Variants in KDM4C observed in about 807,000 individuals in gnomAD.
KDM4C encodes the protein lysine demethylase 4C, also known as lysine-specific demethylase 4C.
In KDM4C, 81 loss-of-function variants were observed where a neutral mutation model predicts 129.3. That is an observed-to-expected ratio of 0.63 (90% CI 0.52 to 0.75). KDM4C has a LOEUF of 0.75. Among genes scored for constraint, KDM4C ranks in the 30% least tolerant of loss-of-function variants. The pLI is 0.00. For synonymous variants in KDM4C, 573 were observed against 456.1 expected (o/e 1.26, Z -3.26); for missense variants, 1,457 against 1,304.0 (o/e 1.12, Z -1.81).
chr9:6,871,842 A>T (rs1167923975), intron 5 of KDM4C, among the ~76,000 whole-genome samples: 1 of 152,178 alleles, frequency 6.6e-6, no homozygotes, highest in African/African-American at 2.4e-5. Context: ...ACCTCATAGA[A>T]CTCAAGACCT....
At chr9:7,166,518 C>T (rs1235382885) in intron 20 of KDM4C, among the ~76,000 whole-genome samples, 1 of 151,882 alleles carries the variant, frequency 6.6e-6, no homozygotes, top group Non-Finnish European at 1.5e-5. Flanking sequence ...GTGACAGTCT[C>T]AAGATACAAA....
intron 12 of KDM4C, among the ~76,000 whole-genome samples, chr9:7,004,048 A>G (rs1821218948): frequency 6.6e-6 from 1 of 152,110 alleles, no homozygotes; most frequent in African/African-American, 2.4e-5. Flanking sequence ...ACCAGCCAAA[A>G]CACCTCACTG....
At chr9:6,820,579 C>G (rs10117358) in intron 4 of KDM4C, among the ~76,000 whole-genome samples, 79,556 of 151,766 alleles carry the variant, frequency 0.52, 20,878 homozygotes, top group East Asian at 0.61. Flanking sequence ...TGGTAGTTTT[C>G]ATCCAGCTGG....
intron 17 of KDM4C, among the ~76,000 whole-genome samples, chr9:7,060,631 G>A (rs1453975056): frequency 1.3e-5 from 2 of 151,912 alleles, no homozygotes; most frequent in Admixed American, 6.6e-5. Context: ...ACAGGTGCAT[G>A]CCACCATGCC....
chr9:6,808,943 A>G (rs1830642222), intron 3 of KDM4C, among the ~76,000 whole-genome samples: 1 of 152,056 alleles, frequency 6.6e-6, no homozygotes, highest in African/African-American at 2.4e-5. Context: ...TTACAAAAAC[A>G]AAATAAAAAA....
At chr9:7,022,168 T>G (rs1477006819) in intron 15 of KDM4C, among the ~76,000 whole-genome samples, 1 of 152,028 alleles carries the variant, frequency 6.6e-6, no homozygotes, top group East Asian at 1.9e-4. Flanking sequence ...AATTTTAGGA[T>G]TTTTTTTCTA....
intron 1 of KDM4C, among the ~76,000 whole-genome samples, chr9:6,767,780 T>G (rs1176427312): frequency 6.6e-6 from 1 of 152,120 alleles, no homozygotes; most frequent in Non-Finnish European, 1.5e-5. Flanking sequence ...TATTTAACTT[T>G]CAAAAAGGAA....
rs549021455 is a variant in KDM4C, at chr9:6,758,705, C to T, written c.-18+502C>T. 6.6e-5 allele frequency among the ~76,000 whole-genome samples: 10 copies of T among 152,364 alleles called. No homozygotes were observed. Among genetic ancestry groups the T allele is most frequent in the South Asian group, 4.1e-4 (2 of 4,832 alleles). ...TCCCGTCATTCGGGGTCGTCTTCAGCCCTCGCGGCTGTCCTTTTGGTGTTT... is the reference window on the plus strand; with the variant it reads ...TCCCGTCATTCGGGGTCGTCTTCAGTCCTCGCGGCTGTCCTTTTGGTGTTT... On this transcript the variant is annotated intron_variant, in intron 1 of 21. Transcript: ENST00000381309. The surrounding 1 kb of genome is among the most constrained non-coding windows in gnomAD (Gnocchi z 4.6).
At chr9:7,079,791 A>G (rs1834325945) in intron 17 of KDM4C, among the ~76,000 whole-genome samples, 1 of 152,222 alleles carries the variant, frequency 6.6e-6, no homozygotes, top group Non-Finnish European at 1.5e-5. Flanking sequence ...AGACTTTCCT[A>G]GAAGTACAAT....
chr9:7,029,330 T>C (rs995028579), intron 15 of KDM4C, among the ~76,000 whole-genome samples: 2 of 150,714 alleles, frequency 1.3e-5, no homozygotes, highest in East Asian at 4.0e-4. Flanking sequence ...TGAAAATTGT[T>C]AAGGCTAAGT....
intron 7 of KDM4C, among the ~76,000 whole-genome samples, chr9:6,891,327 T>G (rs983071668): frequency 9.2e-5 from 14 of 152,314 alleles, no homozygotes; most frequent in African/African-American, 2.9e-4. Context: ...TATTCAGCCA[T>G]AAAAGGAAGT....
chr9:7,158,343 T>C (rs576199921), intron 19 of KDM4C, among the ~76,000 whole-genome samples: 1 of 152,200 alleles, frequency 6.6e-6, no homozygotes. Context: ...AAGGGTTTTT[T>C]GTGTCTCTAT....
intron 11 of KDM4C, 99 bp from the exon 12 acceptor site, chr9:6,990,317 C>T: frequency 1.3e-6 from 1 of 792,980 alleles, no homozygotes; most frequent in Non-Finnish European, 2.1e-6. Flanking sequence ...AAGATTTCTT[C>T]AACATTAAGT....
At chr9:7,102,728 T>C (rs1167999975) in intron 17 of KDM4C, among the ~76,000 whole-genome samples, 1 of 152,146 alleles carries the variant, frequency 6.6e-6, no homozygotes, top group Non-Finnish European at 1.5e-5. Context: ...GAAAAGAAAA[T>C]CTACCTATAA....
rs189011284 is a variant in KDM4C, at chr9:6,942,786, A to G, written c.922-38139A>G. On this transcript the variant is annotated intron_variant, in intron 8 of 21. Transcript: ENST00000381309. The stretch of plus-strand genomic sequence containing the variant: ...CCTTGATGTTTTATATAATGAAGCA[A>G]AACTCAAGGAATATAGAAGGAAGCA... 3.5e-3 allele frequency among the ~76,000 whole-genome samples: 538 copies of G among 152,342 alleles called. 7 individuals carry two copies. The highest frequency in any genetic ancestry group is 0.013 in the African/African-American group (522 of 41,564).
intron 3 of KDM4C, among the ~76,000 whole-genome samples, chr9:6,813,650 A>G (rs1251416597): frequency 6.6e-6 from 1 of 152,208 alleles, no homozygotes; most frequent in African/African-American, 2.4e-5. Flanking sequence ...TCCTGAAGAA[A>G]CATTGGTATT....
intron 4 of KDM4C, among the ~76,000 whole-genome samples, chr9:6,828,236 C>G (rs1316356287): frequency 2.0e-5 from 3 of 152,082 alleles, no homozygotes; most frequent in Non-Finnish European, 4.4e-5. Flanking sequence ...CAAGCTCCGC[C>G]TCCCAGGTTC....
At chr9:6,859,697 C>G (rs1271029450) in intron 5 of KDM4C, among the ~76,000 whole-genome samples, 2 of 151,226 alleles carry the variant, frequency 1.3e-5, no homozygotes, top group East Asian at 3.9e-4. Context: ...CCCGTCTCTA[C>G]TAAGAATAAT....
At chr9:6,812,928 G>A (rs1831424758) in intron 3 of KDM4C, among the ~76,000 whole-genome samples, 1 of 152,176 alleles carries the variant, frequency 6.6e-6, no homozygotes, top group Non-Finnish European at 1.5e-5. Context: ...GTAAATCCCA[G>A]GAGTTGGGAG....
Sources: allele counts gnomAD v4.1 joint callset (sites outside exome capture counted in the v4.1 genomes callset), GRCh38; gene constraint gnomAD v4.1.1; non-coding constraint Gnocchi (gnomAD v3.1); transcripts MANE v1.5; gene names NCBI Gene and HGNC (gene_info 2026-07-23, HGNC 2026-07-21).